Variants in ABCA13 observed in about 807,000 individuals in gnomAD.
ABCA13 encodes ATP binding cassette subfamily A member 13, also known as ATP-binding cassette sub-family A member 13.
In ABCA13, 476 loss-of-function variants were observed where a neutral mutation model predicts 478.7. The ratio of observed to expected loss-of-function variants is 0.99; its 90% CI spans 0.92 to 1.07. The LOEUF is 1.07. Ranked by LOEUF, ABCA13 falls within the 50% of genes least tolerant of loss-of-function variation. ABCA13 has a pLI of 0.00. For missense variants in ABCA13, 6,060 were observed against 5,910.6 expected (o/e 1.03, Z -0.83); for synonymous variants, 2,252 against 2,158.9 (o/e 1.04, Z -1.20).
chr7:48,621,493 A>C (rs543190854), intron 59 of ABCA13, among the ~76,000 whole-genome samples: 3 of 152,296 alleles, frequency 2.0e-5, no homozygotes, highest in East Asian at 3.9e-4. Flanking sequence ...CAGGGGTACC[A>C]CAATAAAGAG....
intron 55 of ABCA13, among the ~76,000 whole-genome samples, chr7:48,576,456 T>G (rs2131345813): frequency 6.6e-6 from 1 of 151,584 alleles, no homozygotes; most frequent in Admixed American, 6.6e-5. Context: ...TCAGCAGGAG[T>G]TAATTATATA....
Position 48,309,024 on chromosome 7 carries a change from C to T in ABCA13, c.9322-923C>T, listed in dbSNP as rs533529990. On this transcript the variant is annotated intron_variant, in intron 23 of 61. Coordinates refer to ENST00000435803, the MANE Select transcript of ABCA13 (RefSeq NM_152701.5). ...CAAATGTATCCTTGTCATTATGAGA[C>T]ACATGACTGCACACACACACACACA... is the stretch of plus-strand genomic sequence containing the variant. 4.3e-4 allele frequency among the ~76,000 whole-genome samples: 43 copies of T among 100,418 alleles called. No homozygotes were observed. The South Asian group carries it at 0.01, about 24-fold the overall frequency. 65.9% of individuals were successfully genotyped at this position (100,418 alleles called of 152,430 possible). A position where few individuals can be genotyped will look rare whatever the true frequency, so the allele number is the denominator to read the frequency against.
intron 55 of ABCA13, among the ~76,000 whole-genome samples, chr7:48,535,640 T>G (rs1293001032): frequency 6.6e-6 from 1 of 151,906 alleles, no homozygotes; most frequent in Non-Finnish European, 1.5e-5. Context: ...GGGGGCAGAG[T>G]TAGGTGTGTC....
At chr7:48,361,775 C>G (rs1374282290) in intron 31 of ABCA13, among the ~76,000 whole-genome samples, 1 of 151,688 alleles carries the variant, frequency 6.6e-6, no homozygotes, top group Non-Finnish European at 1.5e-5. Flanking sequence ...TTTCTATTTT[C>G]TCTTTGACCC....
At chr7:48,350,455 G>A (rs973447540) in intron 29 of ABCA13, among the ~76,000 whole-genome samples, 188 bp from the exon 30 acceptor site, 14 of 152,076 alleles carry the variant, frequency 9.2e-5, no homozygotes, top group African/African-American at 3.1e-4. Context: ...GTATAAAAGT[G>A]TAGAGTTTAC....
intron 31 of ABCA13, among the ~76,000 whole-genome samples, chr7:48,357,196 C>T (rs1810071094): frequency 6.6e-6 from 1 of 151,984 alleles, no homozygotes; most frequent in South Asian, 2.1e-4. Context: ...TGATCCACAA[C>T]AGACCAGTGA....
chr7:48,349,020 T>A (rs1401079035), intron 29 of ABCA13, among the ~76,000 whole-genome samples: 3 of 152,208 alleles, frequency 2.0e-5, no homozygotes, highest in Admixed American at 1.3e-4. Flanking sequence ...AACTTACTGG[T>A]TGCTTATACT....
intron 27 of ABCA13, among the ~76,000 whole-genome samples, chr7:48,327,471 G>T (rs76277430): frequency 0.012 from 1,797 of 152,218 alleles, 65 homozygotes; most frequent in East Asian, 0.11. Flanking sequence ...GATGAGATTT[G>T]GTTGGGGACA....
At chr7:48,518,082 C>A (rs547227926) in intron 52 of ABCA13, among the ~76,000 whole-genome samples, 1 of 152,196 alleles carries the variant, frequency 6.6e-6, no homozygotes, top group East Asian at 1.9e-4. Context: ...TGGTAATAAT[C>A]TATTTTGGTG....
At chr7:48,615,548 A>C (rs1252649211) in intron 59 of ABCA13, among the ~76,000 whole-genome samples, 171 bp downstream of exon 59, 1 of 152,174 alleles carries the variant, frequency 6.6e-6, no homozygotes, top group Non-Finnish European at 1.5e-5. Flanking sequence ...AGTCAAACAC[A>C]TAGCAACTCC....
chr7:48,212,280 A>T (rs979565060), intron 3 of ABCA13, among the ~76,000 whole-genome samples: 1 of 152,236 alleles, frequency 6.6e-6, no homozygotes, highest in African/African-American at 2.4e-5. Context: ...TCCCTCAAGC[A>T]CACAGAATCT....
chr7:48,523,367 TA>T (rs1213470041), intron 53 of ABCA13, among the ~76,000 whole-genome samples: 2 of 152,114 alleles, frequency 1.3e-5, no homozygotes, highest in African/African-American at 4.8e-5. Flanking sequence ...ATTTTATTTT[TA>T]ATACCTTTTT....
Position 48,455,135 on chromosome 7 carries a change from G to T in ABCA13, c.12664G>T (p.Ala4222Ser), listed in dbSNP as rs199630218. The T allele has an allele frequency of 1.9e-6, 3 of 1,570,082 alleles. No homozygotes were observed. Among genetic ancestry groups the T allele is most frequent in the Admixed American group, 1.9e-5 (1 of 53,858 alleles). ...CCGGAGGCTCCGCCGCACGCTGCGC[G>T]CCGGGAAGAGCACCCTCGCCGACCT... ...LARRLRRTLR[A>S]GKSTLADLLL... is the part of the protein sequence containing the mutation. Residue 4222 changes from alanine (A) to serine (S), a missense_variant, in exon 43 of 62, where the codon GCC becomes TCC. Ala to Ser is a moderately conservative substitution (Grantham distance 99). Coordinates refer to ENST00000435803, the MANE Select transcript of ABCA13 (RefSeq NM_152701.5).
intron 42 of ABCA13, among the ~76,000 whole-genome samples, chr7:48,443,089 C>T (rs977867422): frequency 6.6e-6 from 1 of 152,090 alleles, no homozygotes. Context: ...GAGATAAAAC[C>T]ATGTGAGGGA....
chr7:48,569,534 G>T (rs1384111981), intron 55 of ABCA13, among the ~76,000 whole-genome samples: 1 of 151,960 alleles, frequency 6.6e-6, no homozygotes, highest in South Asian at 2.1e-4. Context: ...TTGTTTGTTT[G>T]TTTGTTTTTT....
rs1812788882 is a variant in ABCA13, at chr7:48,372,507, T to C, written c.11133+10T>C. 6.7e-7 allele frequency: 1 copy of C among 1,501,430 alleles called. No homozygotes were observed. The highest frequency in any genetic ancestry group is 2.3e-5 in the Admixed American group (1 of 44,156). The allele number at this position is 1,501,430 out of a possible 1,614,324, so 93.0% of individuals were successfully genotyped here. ...TAATCAGACATTTCTGGTAAGTAAG[T>C]TGTTTTGTAAAAAAAAAAAAAAAAA... On this transcript the variant is annotated intron_variant, in intron 33 of 61. Transcript: ENST00000435803.
chr7:48,635,143 A>G (rs947463917), intron 59 of ABCA13, among the ~76,000 whole-genome samples: 4 of 151,262 alleles, frequency 2.6e-5, no homozygotes, highest in Admixed American at 6.6e-5. Context: ...GAATCTATCA[A>G]TCTCCCAATT....
intron 48 of ABCA13, among the ~76,000 whole-genome samples, chr7:48,502,431 A>G (rs1391015420): frequency 6.6e-6 from 1 of 152,246 alleles, no homozygotes; most frequent in Non-Finnish European, 1.5e-5. Context: ...ACTTGATCAA[A>G]TAAAGATCCA....
intron 38 of ABCA13, among the ~76,000 whole-genome samples, chr7:48,399,839 C>T (rs574482987): frequency 2.6e-5 from 4 of 152,148 alleles, no homozygotes; most frequent in Non-Finnish European, 5.9e-5. Context: ...CAAAAGGAGA[C>T]ACCTGCCCCA....
Sources: gnomAD v4.1 joint callset for allele counts (sites outside exome capture counted in the v4.1 genomes callset) on GRCh38, gnomAD v4.1.1 for gene constraint, MANE v1.5 for transcripts, NCBI Gene and HGNC (gene_info 2026-07-23, HGNC 2026-07-21) for gene names.